The following CCDC57 variants were observed in gnomAD, a reference collection of about 807,000 sequenced individuals.
CCDC57 encodes the protein coiled-coil domain-containing protein 57.
CCDC57 carries 118 observed loss-of-function variants against 118.9 expected under a neutral mutation model. That is an observed-to-expected ratio of 0.99 (90% confidence interval 0.86 to 1.16). The LOEUF is 1.16. CCDC57 is among the 50% of genes most tolerant of loss of function. CCDC57 has a pLI of 0.00. For synonymous variants in CCDC57, 527 were observed against 532.9 expected, an observed-to-expected ratio of 0.99 and a Z score of 0.15; for missense variants, 1,300 against 1,320.7, an observed-to-expected ratio of 0.98 and a Z score of 0.24.
intron 16 of CCDC57, among the ~76,000 whole-genome samples, chr17:82,138,786 G>A (rs1318459967): frequency 1.3e-5 from 2 of 151,404 alleles, no homozygotes; most frequent in Admixed American, 6.6e-5. Context: ...GCACGGAGAC[G>A]TCCCGGGTGC....
At chr17:82,113,653 G>A (rs1238308990) in intron 19 of CCDC57, 1 of 717,186 alleles carries the variant, frequency 1.4e-6, no homozygotes, top group Non-Finnish European at 2.6e-6. Flanking sequence ...TCCACGCCAG[G>A]CTGGGCGTGG....
chr17:82,134,398 C>T (rs1031110533), intron 16 of CCDC57: 20 of 410,156 alleles, frequency 4.9e-5, no homozygotes, highest in African/African-American at 1.8e-4. Flanking sequence ...CACAATGCCA[C>T]GCCCCTGCCA....
intron 17 of CCDC57, among the ~76,000 whole-genome samples, chr17:82,132,040 C>T (rs1360952563): frequency 6.7e-6 from 1 of 149,670 alleles, no homozygotes; most frequent in Non-Finnish European, 1.5e-5. Context: ...ATGGCGTGAA[C>T]TCGGGAGGCG....
chr17:82,178,437 T>A, intron 11 of CCDC57, 37 bp downstream of exon 10: 1 of 1,560,948 alleles, frequency 6.4e-7, no homozygotes, highest in Non-Finnish European at 8.7e-7. Context: ...CCGCTGCTGT[T>A]GAGCAAAGTT....
intron 9 of CCDC57, among the ~76,000 whole-genome samples, chr17:82,181,646 G>A (rs1026940519): frequency 1.3e-5 from 2 of 152,150 alleles, no homozygotes; most frequent in African/African-American, 4.8e-5. Context: ...AGATATGATG[G>A]AATTAGCAGA....
intron 14 of CCDC57, among the ~76,000 whole-genome samples, chr17:82,162,604 C>T (rs1046128988): frequency 4.9e-4 from 71 of 144,768 alleles, no homozygotes; most frequent in African/African-American, 1.7e-3. Flanking sequence ...CCCGCACACA[C>T]GCCCCACTGA....
chr17:82,124,941 A>G (rs201741187), intron 19 of CCDC57, among the ~76,000 whole-genome samples: 14 of 152,322 alleles, frequency 9.2e-5, no homozygotes, highest in African/African-American at 3.4e-4. Flanking sequence ...TTTGGACAAA[A>G]TGTTTTGTGG....
At chr17:82,146,780 AATGT>A (rs2040798489) in intron 16 of CCDC57, among the ~76,000 whole-genome samples, 1 of 152,180 alleles carries the variant, frequency 6.6e-6, no homozygotes, top group African/African-American at 2.4e-5. Context: ...CTCACATACA[AATGT>A]ATGTGCACAG....
chr17:82,164,801 C>T (rs1006686138), intron 13 of CCDC57, among the ~76,000 whole-genome samples: 1 of 152,202 alleles, frequency 6.6e-6, no homozygotes, highest in South Asian at 2.1e-4. Flanking sequence ...ACAAGGAAAA[C>T]TCCAGGCCCA....
intron 8 of CCDC57, 99 bp from the exon 8 acceptor site, chr17:82,184,031 G>GCGCTCACACA: frequency 7.8e-6 from 1 of 128,352 alleles, no homozygotes; most frequent in Non-Finnish European, 1.5e-5. Context: ...GCGCGCGCGC[G>GCGCTCACACA]CACACACACA....
intron 15 of CCDC57, chr17:82,155,745 A>C (rs1199818230): frequency 1.3e-5 from 2 of 152,398 alleles, no homozygotes; most frequent in Admixed American, 1.3e-4. Flanking sequence ...GCAAGCAGCA[A>C]GGACCTGGGC....
At chr17:82,149,160 AGGTGGGTGGATGGATG>A (rs1256165797) in intron 16 of CCDC57, among the ~76,000 whole-genome samples, 3 of 117,282 alleles carry the variant, frequency 2.6e-5, no homozygotes, top group Admixed American at 9.3e-5. Context: ...ATGAATAAAT[AGGTGGGTGGATGGATG>A]GGTGGGTGGA....
intron 16 of CCDC57, 121 bp from the exon 16 acceptor site, chr17:82,134,315 T>C: frequency 4.9e-6 from 5 of 1,015,626 alleles, no homozygotes; most frequent in Middle Eastern, 2.4e-4. Flanking sequence ...TAACTTCCAT[T>C]ACATCGAGAA....
chr17:82,134,314 T>C lies in CCDC57; in HGVS notation c.2456-120A>G, dbSNP rs117977443. 5,087 of 1,026,664 alleles carry C rather than the reference T, an allele frequency of 5.0e-3. 23 individuals are homozygous for C. The highest frequency in any genetic ancestry group is 6.0e-3 in the Non-Finnish European group (4,741 of 790,740). The allele number at this position is 1,026,664 out of a possible 1,614,324, so 63.6% of individuals were successfully genotyped here. On this transcript the variant is annotated intron_variant, in intron 16 of 19. Transcript: ENST00000665763. ...CTTTTCAAAACCAAAGTAACTTCCATTACATCGAGAACTTGGGGAGGGCCG... is the reference window on the plus strand; with the variant it reads ...CTTTTCAAAACCAAAGTAACTTCCACTACATCGAGAACTTGGGGAGGGCCG...
intron 19 of CCDC57, among the ~76,000 whole-genome samples, chr17:82,116,693 A>T (rs2035964409): frequency 6.6e-6 from 1 of 152,214 alleles, no homozygotes; most frequent in Admixed American, 6.5e-5. Flanking sequence ...ATGGGATGGT[A>T]GTAGCTGTAC....
intron 17 of CCDC57, among the ~76,000 whole-genome samples, chr17:82,133,461 G>GT (rs1254881418): frequency 2.2e-5 from 3 of 133,676 alleles, no homozygotes; most frequent in Non-Finnish European, 4.8e-5. Context: ...AAAAATAGAA[G>GT]TTTTTGGTTT....
At chr17:82,103,836 G>C (rs1051553312) in intron 19 of CCDC57, among the ~76,000 whole-genome samples, 5 of 148,870 alleles carry the variant, frequency 3.4e-5, no homozygotes, top group Admixed American at 6.6e-5. Context: ...GGCAGGGAGG[G>C]GCAGGGAGGG....
intron 10 of CCDC57, 59 bp downstream of exon 9, chr17:82,178,968 C>A: frequency 1.3e-6 from 2 of 1,569,214 alleles, no homozygotes; most frequent in Non-Finnish European, 8.7e-7. Context: ...ACCCGTCCTG[C>A]CCAGCCCCAC....
intron 19 of CCDC57, among the ~76,000 whole-genome samples, chr17:82,114,660 C>T (rs1201971611): frequency 3.9e-5 from 6 of 152,060 alleles, no homozygotes; most frequent in Admixed American, 6.5e-5. Flanking sequence ...GCTCTGTCTT[C>T]TCAGTGGCGA....
Sources: allele counts gnomAD v4.1 joint callset (sites outside exome capture counted in the v4.1 genomes callset), GRCh38; gene constraint gnomAD v4.1.1; transcripts MANE v1.5; gene names NCBI Gene and HGNC (gene_info 2026-07-23, HGNC 2026-07-21).